Variants in ZFP64 observed in about 807,000 individuals in gnomAD.
ZFP64 encodes ZFP64 zinc finger protein.
Under a neutral mutation model 51.6 loss-of-function variants are expected in ZFP64, and 14 were observed. That is an observed-to-expected ratio of 0.27 (90% CI 0.18 to 0.42). The LOEUF (loss-of-function observed/expected upper bound fraction) is 0.42. ZFP64 is among the 10% of genes least tolerant of loss of function. The probability of loss-of-function intolerance (pLI) is 1.00; values close to 1 mark genes in which losing one functional copy is unlikely to be tolerated. For synonymous variants in ZFP64, 375 were observed against 361.4 expected (o/e 1.04, Z -0.43); for missense variants, 754 against 906.8 (o/e 0.83, Z 2.16).
At chr20:52,095,753 T>C (rs550794886) in intron 7 of ZFP64, among the ~76,000 whole-genome samples, 1 of 152,350 alleles carries the variant, frequency 6.6e-6, no homozygotes, top group South Asian at 2.1e-4. Flanking sequence ...GTACATCTCT[T>C]GGGGTCGAAC....
intron 5 of ZFP64, among the ~76,000 whole-genome samples, chr20:52,145,505 G>C (rs6021743): frequency 0.36 from 54,669 of 151,636 alleles, 10,492 homozygotes; most frequent in Non-Finnish European, 0.41. Flanking sequence ...ATATGTGGTG[G>C]TACATGCCTG....
rs1217506783 is a variant in ZFP64, at chr20:52,142,766, G to C, written c.763+17357C>G. Among the ~76,000 whole-genome samples the C allele has an allele frequency of 7.5e-5, 10 of 134,112 alleles. 1 individual carries two copies. Among genetic ancestry groups the C allele is most frequent in the Non-Finnish European group, 1.3e-4 (8 of 61,254 alleles). The allele number at this position is 134,112 out of a possible 152,430, so 88.0% of individuals were successfully genotyped here. A position where few individuals can be genotyped will look rare whatever the true frequency, so the allele number is the denominator to read the frequency against. ...GAGGCAGGAGAATTGCTTGAACCCAGGAGGCGGAGGTTGTAGTGAGTTGAG... is the reference window on the plus strand; with the variant it reads ...GAGGCAGGAGAATTGCTTGAACCCACGAGGCGGAGGTTGTAGTGAGTTGAG... On this transcript the variant is annotated intron_variant, in intron 5 of 8. Transcript: ENST00000361387.
intron 2 of ZFP64, among the ~76,000 whole-genome samples, chr20:52,177,565 C>T (rs558973153): frequency 9.2e-5 from 14 of 152,260 alleles, no homozygotes; most frequent in Non-Finnish European, 1.9e-4. Flanking sequence ...TTAGCCGCCA[C>T]CATGCGGCCA....
intron 2 of ZFP64, 79 bp from the exon 3 acceptor site, chr20:52,166,104 G>C (rs1982245485): frequency 1.4e-6 from 2 of 1,412,906 alleles, no homozygotes; most frequent in Non-Finnish European, 1.9e-6. Context: ...CCTTTGTAGA[G>C]AGAATGCATG....
At chr20:52,136,600 C>A (rs955375777) in intron 5 of ZFP64, among the ~76,000 whole-genome samples, 2 of 152,030 alleles carry the variant, frequency 1.3e-5, no homozygotes, top group Admixed American at 1.3e-4. Flanking sequence ...CTAGCAACTG[C>A]TGAAAAATGG....
rs752271185 is a variant in ZFP64, at chr20:52,084,642, G to A, written c.1853C>T (p.Pro618Leu). ...GAGCTGTCCCGAGGCACCGCTTTCC[G>A]GTGGGAAGGTGACCAAGTCTGAGTT... Residue 618 changes from proline (P) to leucine (L), a missense_variant, in exon 9 of 9, where the codon CCG (proline) becomes CTG (leucine). Transcript: ENST00000361387. 9.3e-6 allele frequency: 15 copies of A among 1,614,022 alleles called. No individual in the cohort carries two copies. Among genetic ancestry groups the A allele is most frequent in the Middle Eastern group, 1.6e-4 (1 of 6,084 alleles).
intron 5 of ZFP64, chr20:52,105,043 C>T: frequency 2.2e-6 from 3 of 1,375,128 alleles, no homozygotes; most frequent in East Asian, 2.7e-5. Flanking sequence ...TTTCAGGTCC[C>T]CTGCCCGGTC....
At chr20:52,100,602 TTC>T (rs1453813173) in intron 5 of ZFP64, among the ~76,000 whole-genome samples, 6 of 152,176 alleles carry the variant, frequency 3.9e-5, no homozygotes, top group African/African-American at 1.4e-4. Flanking sequence ...GTCTGGGACT[TTC>T]TCTGTCCTAA....
At chr20:52,092,469 T>A (rs1451037353) in intron 7 of ZFP64, among the ~76,000 whole-genome samples, 2 of 152,212 alleles carry the variant, frequency 1.3e-5, no homozygotes, top group African/African-American at 4.8e-5. Flanking sequence ...GACTATTAAG[T>A]AGAACTTTAT....
Position 52,187,076 on chromosome 20 carries a change from A to G in ZFP64, c.47-5T>C, listed in dbSNP as rs764445135. On this transcript the variant is annotated splice_region_variant and splice_polypyrimidine_tract_variant and intron_variant, in intron 1 of 5. Transcript: ENST00000216923. ...GCACCGTTGTGCCACCTGGAACTCC[A>G]TGGGACAAAGGGAAAGTAACGGATT... 9 of 1,600,764 alleles carry G rather than the reference A, an allele frequency of 5.6e-6. No homozygotes were observed. In the South Asian group the frequency reaches 8.8e-5, roughly 16 times the overall value.
At chr20:52,111,317 A>G (rs1451811684) in intron 5 of ZFP64, among the ~76,000 whole-genome samples, 2 of 150,376 alleles carry the variant, frequency 1.3e-5, no homozygotes, top group Non-Finnish European at 2.9e-5. Flanking sequence ...CCCGGGTTCA[A>G]GTGATTCTCC....
intron 5 of ZFP64, among the ~76,000 whole-genome samples, chr20:52,135,731 C>T (rs982305426): frequency 6.6e-6 from 1 of 151,958 alleles, no homozygotes; most frequent in Non-Finnish European, 1.5e-5. Context: ...TTAAGTGATC[C>T]TCCTGCCTCA....
downstream of ZFP64, among the ~76,000 whole-genome samples, chr20:52,148,667 C>A: frequency 6.6e-6 from 1 of 150,488 alleles, no homozygotes; most frequent in South Asian, 2.1e-4. Context: ...CGCCACGGCA[C>A]TCCAGGCTGG....
At chr20:52,161,690 A>T (rs1415660012) in intron 4 of ZFP64, among the ~76,000 whole-genome samples, 1 of 152,150 alleles carries the variant, frequency 6.6e-6, no homozygotes, top group African/African-American at 2.4e-5. Flanking sequence ...ATAGTAAATG[A>T]AAAGAAGCAA....
intron 7 of ZFP64, chr20:52,096,881 T>G (rs1040559754): frequency 2.8e-6 from 1 of 351,024 alleles, no homozygotes; most frequent in Non-Finnish European, 5.6e-6. Flanking sequence ...AGAGCAGGAC[T>G]CTGTCTCAGA....
intron 5 of ZFP64, among the ~76,000 whole-genome samples, chr20:52,132,745 C>G (rs1030673165): frequency 3.9e-5 from 6 of 152,112 alleles, no homozygotes; most frequent in African/African-American, 1.4e-4. Flanking sequence ...ACGCCTGGGA[C>G]TCGATGGCTT....
downstream of ZFP64, among the ~76,000 whole-genome samples, chr20:52,150,538 T>C (rs1980741616): frequency 6.8e-6 from 1 of 146,848 alleles, no homozygotes; most frequent in African/African-American, 2.5e-5. Context: ...GCAAGCCTTT[T>C]CTGTTTCTTA....
chr20:52,120,236 T>C (rs1979112617), intron 5 of ZFP64, among the ~76,000 whole-genome samples: 1 of 152,166 alleles, frequency 6.6e-6, no homozygotes, highest in Non-Finnish European at 1.5e-5. Flanking sequence ...AATAAATTTT[T>C]GTTGTGTGTA....
chr20:52,186,592 CTT>C (rs972613775), intron 2 of ZFP64, among the ~76,000 whole-genome samples: 1 of 150,400 alleles, frequency 6.6e-6, no homozygotes, highest in African/African-American at 2.5e-5. Flanking sequence ...TCAGAAATCT[CTT>C]TTTTGTCTGT....
Sources: gnomAD v4.1 joint callset for allele counts (sites outside exome capture counted in the v4.1 genomes callset) on GRCh38, gnomAD v4.1.1 for gene constraint, MANE v1.5 for transcripts, NCBI Gene and HGNC (gene_info 2026-07-23, HGNC 2026-07-21) for gene names.